SCN4A: variants seen among roughly 807,000 people sequenced by gnomAD.
The protein encoded by SCN4A is sodium channel protein type 4 subunit alpha.
Under a neutral mutation model 162.0 loss-of-function variants are expected in SCN4A, and 83 were observed. The ratio of observed to expected loss-of-function variants is 0.51; its 90% CI spans 0.43 to 0.61. SCN4A has a LOEUF of 0.61. Ranked by LOEUF, SCN4A falls within the 20% of genes least tolerant of loss-of-function variation. The probability of loss-of-function intolerance (pLI) is 0.00; values close to 1 mark genes in which losing one functional copy is unlikely to be tolerated. For synonymous variants in SCN4A, 944 were observed against 985.1 expected, an observed-to-expected ratio of 0.96 and a Z score of 0.78; for missense variants, 2,196 against 2,462.5, an observed-to-expected ratio of 0.89 and a Z score of 2.29.
rs373804267 is a variant in SCN4A at position 63,941,064 on chromosome 17, G to T, written c.5218C>A (p.Arg1740=). ...TTCATGGAGCGCTGTAGCAGGTGCC[G>T]GCGGTAGGCCCTCTGGATCTTGATG... ...CAIKIQRAYR[R]HLLQRSMKQA... is the part of the protein sequence containing the mutation. Residue 1740 remains arginine, a synonymous_variant, in exon 24 of 24, where the codon CGG becomes AGG. Coordinates refer to ENST00000435607, the MANE Select transcript of SCN4A (RefSeq NM_000334.4). The surrounding 1 kb of genome is among the most constrained non-coding windows in gnomAD (Gnocchi z 6.2). 35 of 1,613,994 alleles carry T rather than the reference G, an allele frequency of 2.2e-5. 1 individual carries two copies. Among genetic ancestry groups the T allele is most frequent in the Non-Finnish European group, 3.0e-5 (35 of 1,179,876 alleles).
rs121908553 is a variant in SCN4A, at chr17:63,941,957, A to T, written c.4325T>A (p.Val1442Glu). 6.3e-7 allele frequency: 1 copy of T among 1,595,744 alleles called. No individual in the cohort carries two copies. The highest frequency in any genetic ancestry group is 8.6e-7 in the Non-Finnish European group (1 of 1,167,870). The change falls in exon 24 of 24, where the codon GTG becomes GAG. Residue 1442 changes from valine (V) to glutamate (E), a missense_variant. Val to Glu is a moderately radical substitution (Grantham distance 121). Coordinates refer to ENST00000435607, the MANE Select transcript of SCN4A (RefSeq NM_000334.4). The surrounding 1 kb of genome is among the most constrained non-coding windows in gnomAD (Gnocchi z 6.2). ...ALSDLIQKYF[V>E]SPTLFRVIRL... The stretch of plus-strand genomic sequence containing the variant: ...GATCACACGGAACAGCGTGGGTGAC[A>T]CGAAGTACTTCTGGATCAGGTCAGA...
At position 63,972,325 on chromosome 17, in the gene SCN4A, C is replaced by G. The variant is rs754180828; in HGVS notation, c.392+27G>C. The G allele has an allele frequency of 6.2e-7, 1 of 1,606,234 alleles. No homozygotes were observed. The highest frequency in any genetic ancestry group is 1.7e-5 in the Admixed American group (1 of 59,404). The stretch of plus-strand genomic sequence containing the variant: ...CCATCTCGCCCATCCCTAACCCCTC[C>G]CGCCTCTCCCATCTTGGGCAGGATA... On this transcript the variant is annotated intron_variant, in intron 2 of 23. Coordinates refer to ENST00000435607, the MANE Select transcript of SCN4A (RefSeq NM_000334.4). This position sits in a 1 kb window ranked among gnomAD's most constrained non-coding sequence, Gnocchi z 4.3.
In SCN4A at chr17:63,951,891, G is replaced by A. The variant is rs750053946; in HGVS notation, c.2386C>T (p.Leu796=). The A allele has an allele frequency of 2.5e-5, 38 of 1,532,598 alleles. No individual in the cohort carries two copies. The highest frequency in any genetic ancestry group is 2.8e-5 in the Non-Finnish European group (32 of 1,142,764). 94.9% of individuals were successfully genotyped at this position (1,532,598 alleles called of 1,614,324 possible). A position where few individuals can be genotyped will look rare whatever the true frequency, so the allele number is the denominator to read the frequency against. Residue 796 remains leucine, a synonymous_variant, in exon 14 of 24, where the codon CTG becomes TTG. Coordinates refer to ENST00000435607, the MANE Select transcript of SCN4A (RefSeq NM_000334.4). This position sits in a 1 kb window ranked among gnomAD's most constrained non-coding sequence, Gnocchi z 4.5. ...GAGCTCAGCAGCAGAGCCAGGAACA[G>A]GTTCAGGACCTGGGGCATGGGGTCA... is the stretch of plus-strand genomic sequence containing the variant. The part of the protein sequence containing the change: ...MVIGNLVVLN[L]FLALLLSSFS...
At position 63,963,685 on chromosome 17, in the gene SCN4A, G is replaced by A. The variant is rs139988178; in HGVS notation, c.1593C>T (p.Ser531=). The change falls in exon 10 of 24, where the codon TCC becomes TCT. Residue 531 remains serine (S), a synonymous_variant. Coordinates refer to ENST00000435607, the MANE Select transcript of SCN4A (RefSeq NM_000334.4). ...CAAGGCACTCACCTTCCATGGCGTC[G>A]GAGATGCCGCTGTCTCCGCTGCTGC... ...RQSSSGDSGI[S]DAMEELEEAH... 1.3e-5 allele frequency: 21 copies of A among 1,585,380 alleles called. No homozygotes were observed. Among genetic ancestry groups the A allele is most frequent in the Admixed American group, 3.4e-5 (2 of 58,806 alleles).
Position 63,966,082 on chromosome 17 carries a change from C to T in SCN4A, c.1242+20G>A, listed in dbSNP as rs765476926. ...GGGGAGTGGCTGTAGGGTTGGGGGG[C>T]AGGGTGGGGGCAGCTGTACCAGCTG... On this transcript the variant is annotated intron_variant, in intron 8 of 23. Transcript: ENST00000435607. The T allele has an allele frequency of 2.0e-6, 3 of 1,526,206 alleles. No individual in the cohort carries two copies. The highest frequency in any genetic ancestry group is 2.4e-5 in the South Asian group (2 of 83,640). 94.5% of individuals were successfully genotyped at this position (1,526,206 alleles called of 1,614,324 possible).
At chr17:63,957,123 C>A (rs757537160) in intron 13 of SCN4A, 39 bp downstream of exon 13, 1 of 1,382,450 alleles carries the variant, frequency 7.2e-7, no homozygotes, top group African/African-American at 1.4e-5. Context: ...TGTACGCTTC[C>A]CGGGTGAGGG....
intron 15 of SCN4A, 127 bp from the exon 16 acceptor site, chr17:63,948,892 C>A (rs2144783767): frequency 1.3e-6 from 1 of 765,734 alleles, no homozygotes. Context: ...CCCAGGGCCC[C>A]CACCTCCTCC....
intron 6 of SCN4A, among the ~76,000 whole-genome samples, chr17:63,967,788 T>C (rs1258980489): frequency 6.6e-6 from 1 of 151,816 alleles, no homozygotes; most frequent in Non-Finnish European, 1.5e-5. Context: ...CAAAAATTAA[T>C]TGGGCCTGGT....
chr17:63,972,379 C>A lies in SCN4A; in HGVS notation c.365G>T (p.Arg122Leu), dbSNP rs374529559. The A allele has an allele frequency of 3.7e-6, 6 of 1,613,814 alleles. No individual in the cohort carries two copies. The African/African-American group carries it at 6.7e-5, about 18-fold the overall frequency. The change falls in exon 2 of 24, where the codon CGC becomes CTC. Residue 122 changes from arginine to leucine, a missense_variant. Coordinates refer to ENST00000435607, the MANE Select transcript of SCN4A (RefSeq NM_000334.4). This position sits in a 1 kb window ranked among gnomAD's most constrained non-coding sequence, Gnocchi z 4.3. Reference sequence around the variant, plus strand: ...ATGGATGAGCACCTTGATGGCCCCGCGCCTGACTACGCTGAAGGGGCTCAG... The same window carrying A: ...ATGGATGAGCACCTTGATGGCCCCGAGCCTGACTACGCTGAAGGGGCTCAG... ...YLLSPFSVVR[R>L]GAIKVLIHAL...
chr17:63,942,029 G>T, intron 23 of SCN4A, 36 bp from the exon 24 acceptor site: 1 of 1,526,294 alleles, frequency 6.6e-7, no homozygotes, highest in Non-Finnish European at 8.8e-7. Context: ...CTGCCACTGG[G>T]GAGGGGGGCC....
intron 10 of SCN4A, 187 bp from the exon 11 acceptor site, chr17:63,961,618 C>T: frequency 1.7e-6 from 1 of 582,556 alleles, no homozygotes; most frequent in Non-Finnish European, 3.1e-6. Context: ...CCCCTGTAAC[C>T]TCCGCCCCAC....
In SCN4A at chr17:63,941,592, C is replaced by G. The variant is rs202106192; in HGVS notation, c.4690G>C (p.Val1564Leu). 6.2e-7 allele frequency: 1 copy of G among 1,613,976 alleles called. No homozygotes were observed. The highest frequency in any genetic ancestry group is 1.7e-5 in the Admixed American group (1 of 60,002). ...GAGGGGTTGCCGCAGTCACCCTTGA[C>G]ACTGGTGCCCGGGTTCTCCAGGTTG... is the stretch of plus-strand genomic sequence containing the variant. Reference protein sequence around the residue: ...DPNLENPGTSVKGDCGNPSIG... With the variant: ...DPNLENPGTSLKGDCGNPSIG... The change falls in exon 24 of 24, where the codon GTC becomes CTC. Residue 1564 changes from valine (V) to leucine (L), a missense_variant. Physicochemically the swap from Val to Leu is conservative, Grantham distance 32. Transcript: ENST00000435607. This position sits in a 1 kb window ranked among gnomAD's most constrained non-coding sequence, Gnocchi z 6.2.
At position 63,945,242 on chromosome 17, in the gene SCN4A, G is replaced by C. The variant is rs761019822; in HGVS notation, c.3720+118C>G. The C allele has an allele frequency of 1.8e-5, 19 of 1,030,814 alleles. No homozygotes were observed. Among genetic ancestry groups the C allele is most frequent in the Non-Finnish European group, 2.6e-5 (18 of 688,300 alleles). The allele number at this position is 1,030,814 out of a possible 1,614,324, so 63.9% of individuals were successfully genotyped here. A position where few individuals can be genotyped will look rare whatever the true frequency, so the allele number is the denominator to read the frequency against. On this transcript the variant is annotated intron_variant, in intron 19 of 23. Transcript: ENST00000435607. The surrounding 1 kb of genome is among the most constrained non-coding windows in gnomAD (Gnocchi z 4.4). ...CACTGCCTGGGGATCCCACAGCATTGGAAGCAGGGTGGGCGGTCCCCTAAC... is the reference window on the plus strand; with the variant it reads ...CACTGCCTGGGGATCCCACAGCATTCGAAGCAGGGTGGGCGGTCCCCTAAC...
chr17:63,940,748 G>A lies in SCN4A; in HGVS notation c.*23C>T, dbSNP rs1567815527. On this transcript the variant is annotated 3_prime_UTR_variant, in exon 24 of 24. Coordinates refer to ENST00000435607, the MANE Select transcript of SCN4A (RefSeq NM_000334.4). ...GCTCTGGGGACTATGCCGAGACTCA[G>A]TGGGCCACCCCGATGCTGCCTGCTA... is the stretch of plus-strand genomic sequence containing the variant. 6 of 1,535,460 alleles carry A rather than the reference G, an allele frequency of 3.9e-6. No individual in the cohort carries two copies. Among genetic ancestry groups the A allele is most frequent in the Non-Finnish European group, 5.3e-6 (6 of 1,140,690 alleles).
rs1156737659 is a variant in SCN4A, at chr17:63,943,859, G to A, written c.3913-9C>T. ...ATGTCTTTCCCCCCTAAGTATAGTG[G>A]GATAGGGCTTGTCAGGTTGAGGTGC... On this transcript the variant is annotated splice_polypyrimidine_tract_variant and intron_variant, in intron 21 of 23. Transcript: ENST00000435607. The A allele has an allele frequency of 1.3e-6, 2 of 1,569,972 alleles. No individual in the cohort carries two copies. Among genetic ancestry groups the A allele is most frequent in the South Asian group, 2.2e-5 (2 of 90,154 alleles).
chr17:63,948,531 G>C, intron 16 of SCN4A, 80 bp downstream of exon 16: 1 of 1,268,418 alleles, frequency 7.9e-7, no homozygotes, highest in Non-Finnish European at 1.1e-6. Flanking sequence ...CCCTTCCTGT[G>C]TGTGGAGACA....
rs886053238 is a variant in SCN4A at position 63,938,881 on chromosome 17, G to C, written c.*1890C>G. On this transcript the variant is annotated 3_prime_UTR_variant, in exon 24 of 24. Transcript: ENST00000435607. Reference sequence around the variant, plus strand: ...AAACTTCTGAAGGAAGAGATGGAAGGAGTGGAGGCCTCCTTCCATAGAGGA... The same window carrying C: ...AAACTTCTGAAGGAAGAGATGGAAGCAGTGGAGGCCTCCTTCCATAGAGGA... The C allele has an allele frequency of 6.5e-6, 1 of 152,934 alleles. No individual in the cohort carries two copies. Among genetic ancestry groups the C allele is most frequent in the African/African-American group, 2.4e-5 (1 of 41,478 alleles). The allele number at this position is 152,934 out of a possible 1,614,324, so 9.5% of individuals were successfully genotyped here.
intron 15 of SCN4A, 75 bp downstream of exon 15, chr17:63,949,318 T>C (rs1908829962): frequency 2.1e-6 from 3 of 1,448,208 alleles, no homozygotes; most frequent in Admixed American, 4.8e-5. Flanking sequence ...GTGCTTTTGG[T>C]CCTGGTGTAG....
rs962610601 is a variant in SCN4A, at chr17:63,941,876, C to T, written c.4406G>A (p.Arg1469Gln). 21 of 1,613,700 alleles carry T rather than the reference C, an allele frequency of 1.3e-5. No individual in the cohort carries two copies. The highest frequency in any genetic ancestry group is 2.2e-5 in the South Asian group (2 of 91,078). ...LRLIRGAKGI[R>Q]TLLFALMMSL... ...CATCATGAGGGCGAACAGCAGCGTC[C>T]GGATGCCCTTGGCCCCGCGGATCAG... Residue 1469 changes from arginine to glutamine, a missense_variant, in exon 24 of 24, where the codon CGG becomes CAG. Physicochemically the swap from Arg to Gln is conservative, Grantham distance 43. Coordinates refer to ENST00000435607, the MANE Select transcript of SCN4A (RefSeq NM_000334.4). This position sits in a 1 kb window ranked among gnomAD's most constrained non-coding sequence, Gnocchi z 6.2.
Sources: allele counts gnomAD v4.1 joint callset (sites outside exome capture counted in the v4.1 genomes callset), GRCh38; gene constraint gnomAD v4.1.1; non-coding constraint Gnocchi (gnomAD v3.1); transcripts MANE v1.5; gene names NCBI Gene and HGNC (gene_info 2026-07-23, HGNC 2026-07-21).